The following IGF2R variants were observed in gnomAD, a reference collection of about 807,000 sequenced individuals.
IGF2R encodes the protein cation-independent mannose-6-phosphate receptor.
In IGF2R, 91 loss-of-function variants were observed where a neutral mutation model predicts 270.6. The observed-to-expected ratio is 0.34, with a 90% CI of 0.28 to 0.40. The LOEUF is 0.40. Among genes scored for constraint, IGF2R ranks in the 10% least tolerant of loss-of-function variants. The probability of loss-of-function intolerance (pLI) is 1.00; values close to 1 mark genes in which losing one functional copy is unlikely to be tolerated. For synonymous variants in IGF2R, 1,316 were observed against 1,258.9 expected, an observed-to-expected ratio of 1.05 and a Z score of -0.96; for missense variants, 2,805 against 3,188.3, an observed-to-expected ratio of 0.88 and a Z score of 2.90.
At chr6:160,077,252 G>A (rs1053690501) in intron 36 of IGF2R, among the ~76,000 whole-genome samples, 1 of 152,182 alleles carries the variant, frequency 6.6e-6, no homozygotes, top group African/African-American at 2.4e-5. Flanking sequence ...AAGCGTATTG[G>A]CATATTTTTA....
intron 1 of IGF2R, among the ~76,000 whole-genome samples, chr6:159,984,367 A>G (rs9295117): frequency 0.36 from 53,992 of 151,954 alleles, 10,281 homozygotes; most frequent in East Asian, 0.71. Context: ...AAACGAACCC[A>G]CTGCGCTACC....
chr6:160,103,649 C>G, intron 46 of IGF2R, 97 bp from the exon 47 acceptor site: 1 of 807,328 alleles, frequency 1.2e-6, no homozygotes, highest in Non-Finnish European at 2.2e-6. Flanking sequence ...ACCACCAGCC[C>G]CCTGGTGGTG....
At chr6:160,090,195 G>A (rs901989756) in intron 44 of IGF2R, 92 bp downstream of exon 44, 34 of 909,810 alleles carry the variant, frequency 3.7e-5, no homozygotes, top group Non-Finnish European at 3.9e-5. Context: ...TTGAAATCTC[G>A]GACCACTTTT....
In IGF2R at chr6:160,062,594, A is replaced by T. The variant is rs1205109321; in HGVS notation, c.3645A>T (p.Glu1215Asp). 18 of 1,613,786 alleles carry T rather than the reference A, an allele frequency of 1.1e-5. No homozygotes were observed. The highest frequency in any genetic ancestry group is 1.5e-5 in the Non-Finnish European group (18 of 1,179,814). Residue 1215 changes from glutamate to aspartate, a missense_variant, in exon 26 of 48, where the codon GAA becomes GAT. This residue lies in a region of IGF2R where 1,851 missense variants were observed against 2,207.2 expected (regional missense o/e 0.84). Transcript: ENST00000356956. ...CEYVFIWRTVEACPVVRVEGD... is the reference protein window; with the variant it reads ...CEYVFIWRTVDACPVVRVEGD... Reference sequence around the variant, plus strand: ...ACGTGTTTATCTGGAGAACTGTGGAAGCCTGTCCCGTTGTCAGAGTGGAAG... The same window carrying T: ...ACGTGTTTATCTGGAGAACTGTGGATGCCTGTCCCGTTGTCAGAGTGGAAG...
At chr6:160,097,983 G>A (rs369052002) in intron 45 of IGF2R, among the ~76,000 whole-genome samples, 21 of 152,230 alleles carry the variant, frequency 1.4e-4, no homozygotes, top group East Asian at 3.9e-4. Context: ...ATGGTGTTCC[G>A]GTGACGTCAT....
chr6:160,093,530 C>T, intron 44 of IGF2R: 1 of 606,294 alleles, frequency 1.6e-6, no homozygotes, highest in East Asian at 3.0e-5. Flanking sequence ...GGTTCAGCAA[C>T]CTGGACAAAG....
At chr6:159,997,497 C>T (rs549176912) in intron 2 of IGF2R, among the ~76,000 whole-genome samples, 4 of 152,244 alleles carry the variant, frequency 2.6e-5, no homozygotes, top group African/African-American at 7.2e-5. Context: ...GCTGCCCGCA[C>T]CAGTGTTTGG....
At position 160,033,023 on chromosome 6, in the gene IGF2R, A is replaced by C. The variant is rs772212062; in HGVS notation, c.1127A>C (p.Lys376Thr). The C allele has an allele frequency of 1.8e-5, 29 of 1,611,058 alleles. No individual in the cohort carries two copies. Among genetic ancestry groups the C allele is most frequent in the Non-Finnish European group, 2.3e-5 (27 of 1,177,280 alleles). ...CGETEIQFCN[K>T]KQAAVCQVKK... is the part of the protein sequence containing the mutation. Reference sequence around the variant, plus strand: ...GAAACTGAAATACAGTTCTGTAATAAAAAACAAGCTGCAGTTTGCCAAGTG... The same window carrying C: ...GAAACTGAAATACAGTTCTGTAATACAAAACAAGCTGCAGTTTGCCAAGTG... The change falls in exon 9 of 48, where the codon AAA (lysine) becomes ACA (threonine). Residue 376 changes from lysine (K) to threonine (T), a missense_variant. Transcript: ENST00000356956.
chr6:159,969,352 G>A lies in IGF2R; in HGVS notation c.106G>A (p.Gly36Arg). The part of the protein sequence containing the change: ...LQLLLLVAAP[G>R]STQAQAAPFP... ...GCTGCTGCTGCTCGTCGCTGCCCCG[G>A]GGTCCACGCAGGCCCAGGCCGCCCC... The change falls in exon 1 of 48, where the codon GGG (glycine) becomes AGG (arginine). Residue 36 changes from glycine to arginine, a missense_variant. Gly to Arg is a moderately radical substitution (Grantham distance 125). Transcript: ENST00000356956. 12 of 1,315,186 alleles carry A rather than the reference G, an allele frequency of 9.1e-6. No homozygotes were observed. Among genetic ancestry groups the A allele is most frequent in the Non-Finnish European group, 1.2e-5 (12 of 1,029,054 alleles). The allele number at this position is 1,315,186 out of a possible 1,614,324, so 81.5% of individuals were successfully genotyped here.
At chr6:160,014,860 G>A (rs935494232) in intron 4 of IGF2R, among the ~76,000 whole-genome samples, 2 of 152,192 alleles carry the variant, frequency 1.3e-5, no homozygotes, top group Non-Finnish European at 2.9e-5. Flanking sequence ...CATGAATCTG[G>A]TGGTAGGCTT....
In IGF2R at chr6:160,083,973, A is replaced by G. The variant is rs1217094060; in HGVS notation, c.5857A>G (p.Ile1953Val). ...AGCAAACAGCTACCGGACATCCAGCATCATATTTAAGTGTGATGAAGATGA... is the reference window on the plus strand; with the variant it reads ...AGCAAACAGCTACCGGACATCCAGCGTCATATTTAAGTGTGATGAAGATGA... ...RHSNSYRTSSIIFKCDEDEDI... is the reference protein window; with the variant it reads ...RHSNSYRTSSVIFKCDEDEDI... The change falls in exon 40 of 48, where the codon ATC becomes GTC. Residue 1953 changes from isoleucine (I) to valine (V), a missense_variant. Transcript: ENST00000356956. 4.3e-6 allele frequency: 7 copies of G among 1,613,810 alleles called. No homozygotes were observed. Among genetic ancestry groups the G allele is most frequent in the Non-Finnish European group, 4.2e-6 (5 of 1,179,802 alleles).
chr6:159,969,551 G>T (rs949857262), intron 1 of IGF2R, among the ~76,000 whole-genome samples, 156 bp downstream of exon 1: 1 of 152,068 alleles, frequency 6.6e-6, no homozygotes, highest in Non-Finnish European at 1.5e-5. Flanking sequence ...TTGCCTGCGT[G>T]GTGTCCGCGA....
At chr6:160,060,829 A>T in intron 23 of IGF2R, 112 bp downstream of exon 23, 1 of 923,852 alleles carries the variant, frequency 1.1e-6, no homozygotes, top group East Asian at 2.5e-5. Flanking sequence ...TGTGGTGTGT[A>T]TGCTTGGTTA....
intron 4 of IGF2R, among the ~76,000 whole-genome samples, chr6:160,012,601 G>A (rs1381105447): frequency 6.6e-6 from 1 of 151,622 alleles, no homozygotes; most frequent in Non-Finnish European, 1.5e-5. Context: ...ATAGCAAGAA[G>A]GGGGTGATGG....
intron 45 of IGF2R, among the ~76,000 whole-genome samples, chr6:160,098,097 T>C (rs1362832546): frequency 2.0e-5 from 3 of 152,322 alleles, no homozygotes; most frequent in East Asian, 3.9e-4. Flanking sequence ...GCATTCTCTG[T>C]CATGGAGAGG....
chr6:160,086,463 A>G (rs1779099356), intron 41 of IGF2R, among the ~76,000 whole-genome samples: 1 of 152,176 alleles, frequency 6.6e-6, no homozygotes, highest in Non-Finnish European at 1.5e-5. Context: ...ACATGTCTCA[A>G]GCAGCTGTGC....
chr6:160,058,376 T>C (rs1778358662), intron 21 of IGF2R, among the ~76,000 whole-genome samples: 1 of 152,206 alleles, frequency 6.6e-6, no homozygotes, highest in Admixed American at 6.5e-5. Context: ...GGAAACACTT[T>C]CTAAAGGTAG....
chr6:160,081,991 G>C (rs1047768334), intron 39 of IGF2R, among the ~76,000 whole-genome samples: 2 of 152,314 alleles, frequency 1.3e-5, no homozygotes, highest in East Asian at 3.9e-4. Context: ...CTCAGCTTAC[G>C]AAGATGATGG....
intron 11 of IGF2R, among the ~76,000 whole-genome samples, chr6:160,040,937 GT>G (rs1777932085): frequency 6.6e-6 from 1 of 152,182 alleles, no homozygotes; most frequent in Non-Finnish European, 1.5e-5. Flanking sequence ...TTGACCTTGT[GT>G]TTTCACCCTT....
Sources: gnomAD v4.1 joint callset for allele counts (sites outside exome capture counted in the v4.1 genomes callset) on GRCh38, gnomAD v4.1.1 for gene constraint, gnomAD v4.1.1 regional missense constraint, MANE v1.5 for transcripts, NCBI Gene and HGNC (gene_info 2026-07-23, HGNC 2026-07-21) for gene names.